The following APBA2 variants were observed in gnomAD, a reference collection of about 807,000 sequenced individuals.
The protein encoded by APBA2 is amyloid-beta A4 precursor protein-binding family A member 2.
A neutral mutation model predicts 75.0 loss-of-function variants in APBA2; 30 were observed. The observed-to-expected ratio is 0.40, with a 90% confidence interval of 0.30 to 0.54. The LOEUF is 0.54. Ranked by LOEUF, APBA2 falls within the 20% of genes least tolerant of loss-of-function variation. The probability of loss-of-function intolerance (pLI) is 0.49; values close to 1 mark genes in which losing one functional copy is unlikely to be tolerated. For synonymous variants in APBA2, 444 were observed against 409.6 expected (o/e 1.08, Z -1.01); for missense variants, 801 against 1,016.1 (o/e 0.79, Z 2.88).
At chr15:29,106,854 C>T in intron 12 of APBA2, 35 bp downstream of exon 12, 2 of 1,584,876 alleles carry the variant, frequency 1.3e-6, no homozygotes, top group Non-Finnish European at 1.7e-6. Context: ...CAGGGGTCAC[C>T]TCAACCCTGC....
intron 1 of APBA2, among the ~76,000 whole-genome samples, chr15:28,898,028 A>G (rs2032613767): frequency 6.6e-6 from 1 of 152,178 alleles, no homozygotes; most frequent in Admixed American, 6.5e-5. Flanking sequence ...GGAGGCGGAA[A>G]TTGGAGTGAT....
chr15:28,984,912 G>GCTCT (rs72448868), intron 2 of APBA2, among the ~76,000 whole-genome samples: 33 of 139,604 alleles, frequency 2.4e-4, no homozygotes, highest in African/African-American at 2.5e-4. Flanking sequence ...GGGGGGAGCT[G>GCTCT]CTCTCTCTCT....
intron 2 of APBA2, among the ~76,000 whole-genome samples, chr15:28,959,231 C>A (rs1292319712): frequency 1.3e-5 from 2 of 152,194 alleles, no homozygotes; most frequent in South Asian, 4.1e-4. Context: ...TCATGATCCA[C>A]CTGCCTCGGC....
At chr15:29,000,724 G>A (rs1255729725) in intron 3 of APBA2, among the ~76,000 whole-genome samples, 2 of 152,142 alleles carry the variant, frequency 1.3e-5, no homozygotes, top group African/African-American at 4.8e-5. Flanking sequence ...CTGAGTAGCA[G>A]GGACTACAGG....
chr15:29,116,081 C>T (rs1474414481), intron 14 of APBA2, among the ~76,000 whole-genome samples: 1 of 149,524 alleles, frequency 6.7e-6, no homozygotes, highest in Admixed American at 6.6e-5. Context: ...TTGAAGCAGA[C>T]GTTTAGAGTC....
chr15:29,024,532 A>T (rs1181684983), intron 3 of APBA2, among the ~76,000 whole-genome samples: 2 of 152,028 alleles, frequency 1.3e-5, no homozygotes, highest in African/African-American at 2.4e-5. Flanking sequence ...GCAGAGACTC[A>T]CGTGGACCAG....
intron 10 of APBA2, 88 bp from the exon 11 acceptor site, chr15:29,105,291 C>T (rs972598975): frequency 7.2e-7 from 1 of 1,380,918 alleles, no homozygotes; most frequent in East Asian, 2.5e-5. Context: ...GTGCATCCTG[C>T]ACCCAGCCCT....
chr15:28,888,536 T>A (rs1447938018), intron 1 of APBA2, among the ~76,000 whole-genome samples: 2 of 152,200 alleles, frequency 1.3e-5, no homozygotes, highest in Non-Finnish European at 2.9e-5. Flanking sequence ...CCTGCCCCGG[T>A]GACTCAACAG....
chr15:29,086,613 A>G (rs16955047), intron 6 of APBA2, among the ~76,000 whole-genome samples: 1,804 of 152,318 alleles, frequency 0.012, 45 homozygotes, highest in African/African-American at 0.042. Context: ...CAGAATAACA[A>G]TACCAAACAC....
intron 2 of APBA2, among the ~76,000 whole-genome samples, chr15:28,922,455 G>T (rs1187917798): frequency 1.3e-5 from 2 of 152,184 alleles, no homozygotes; most frequent in Non-Finnish European, 2.9e-5. Context: ...TGTGGGAGCA[G>T]CTCAGCCCCT....
chr15:29,113,740 G>A lies in APBA2; in HGVS notation c.2038-136G>A. On this transcript the variant is annotated intron_variant, in intron 13 of 14. Transcript: ENST00000683413. ...CTGCATATCATAAGGATCTCTGTCT[G>A]TGAGTCAGCGAATTGCACGTGCACG... The A allele has an allele frequency of 4.6e-6, 5 of 1,089,938 alleles. No homozygotes were observed. In the South Asian group the frequency reaches 5.7e-5, roughly 12 times the overall value. The allele number at this position is 1,089,938 out of a possible 1,614,324, so 67.5% of individuals were successfully genotyped here.
chr15:29,032,298 G>T (rs1192517404), intron 3 of APBA2, among the ~76,000 whole-genome samples: 1 of 152,252 alleles, frequency 6.6e-6, no homozygotes, highest in Non-Finnish European at 1.5e-5. Flanking sequence ...AGTAGACCTT[G>T]AGTAAAGCAG....
intron 2 of APBA2, among the ~76,000 whole-genome samples, chr15:28,982,762 C>T (rs1405372614): frequency 1.3e-5 from 2 of 152,166 alleles, no homozygotes; most frequent in Non-Finnish European, 2.9e-5. Flanking sequence ...TTCAAGGACA[C>T]GTTGATGATG....
At chr15:29,074,656 G>A (rs970207610) in intron 4 of APBA2, among the ~76,000 whole-genome samples, 2 of 152,104 alleles carry the variant, frequency 1.3e-5, no homozygotes, top group Non-Finnish European at 2.9e-5. Flanking sequence ...TGGTCAAATG[G>A]TGAACTTTAT....
At chr15:28,948,028 C>G (rs1236968692) in intron 2 of APBA2, among the ~76,000 whole-genome samples, 1 of 152,206 alleles carries the variant, frequency 6.6e-6, no homozygotes, top group Non-Finnish European at 1.5e-5. Context: ...AGCCAGTTCT[C>G]CACCCCAGGG....
intron 2 of APBA2, among the ~76,000 whole-genome samples, chr15:28,941,403 A>G (rs1375073038): frequency 6.7e-6 from 1 of 149,866 alleles, no homozygotes; most frequent in Non-Finnish European, 1.5e-5. Context: ...GAAAGGACAG[A>G]GGACGATGTT....
intron 1 of APBA2, among the ~76,000 whole-genome samples, chr15:28,906,712 A>T (rs2033152070): frequency 6.6e-6 from 1 of 152,234 alleles, no homozygotes; most frequent in Admixed American, 6.5e-5. Flanking sequence ...ATAAAGTGAT[A>T]GCTTATTTCA....
intron 1 of APBA2, among the ~76,000 whole-genome samples, chr15:28,901,710 A>G (rs1302105067): frequency 1.3e-5 from 2 of 151,830 alleles, no homozygotes; most frequent in African/African-American, 2.4e-5. Context: ...TGGATGATTG[A>G]TGTGGGAGCT....
At chr15:29,116,246 C>G (rs1041957900) in intron 14 of APBA2, among the ~76,000 whole-genome samples, 1 of 152,148 alleles carries the variant, frequency 6.6e-6, no homozygotes, top group Admixed American at 6.5e-5. Flanking sequence ...CACCGATCCC[C>G]AAAGGCTAAG....
Sources: gnomAD v4.1 joint callset for allele counts (sites outside exome capture counted in the v4.1 genomes callset) on GRCh38, gnomAD v4.1.1 for gene constraint, MANE v1.5 for transcripts, NCBI Gene and HGNC (gene_info 2026-07-23, HGNC 2026-07-21) for gene names.